Variants in PDE10A observed in about 807,000 individuals in gnomAD.
PDE10A encodes the protein cAMP and cAMP-inhibited cGMP 3',5'-cyclic phosphodiesterase 10A.
In PDE10A, 39 loss-of-function variants were observed where a neutral mutation model predicts 97.7. The observed-to-expected ratio is 0.40, with a 90% CI of 0.31 to 0.52. The LOEUF is 0.52. Ranked by LOEUF, PDE10A falls within the 20% of genes least tolerant of loss-of-function variation. PDE10A has a pLI of 0.56. For missense variants in PDE10A, 731 were observed against 1,047.8 expected (o/e 0.70, Z 4.17); for synonymous variants, 371 against 376.8 (o/e 0.98, Z 0.18).
chr6:165,642,166 C>G (rs1008902926), intron 1 of PDE10A, among the ~76,000 whole-genome samples: 1 of 152,214 alleles, frequency 6.6e-6, no homozygotes, highest in Non-Finnish European at 1.5e-5. Flanking sequence ...TGCCCCTCCG[C>G]CAGAAACACC....
chr6:165,872,090 A>G (rs1399082595), intron 1 of PDE10A, among the ~76,000 whole-genome samples: 1 of 152,134 alleles, frequency 6.6e-6, no homozygotes, highest in African/African-American at 2.4e-5. Context: ...CAAGGTCTCA[A>G]TTGAGGGTGG....
At chr6:165,861,441 G>A (rs1161344557) in intron 1 of PDE10A, among the ~76,000 whole-genome samples, 2 of 151,940 alleles carry the variant, frequency 1.3e-5, no homozygotes, top group Non-Finnish European at 2.9e-5. Context: ...GGAGGGGTGT[G>A]CTGTCAGGTG....
intron 2 of PDE10A, among the ~76,000 whole-genome samples, chr6:165,499,020 G>A (rs1217241478): frequency 6.6e-6 from 1 of 152,084 alleles, no homozygotes; most frequent in Non-Finnish European, 1.5e-5. Context: ...TCTCTTCTTG[G>A]ATTCTGTGAA....
At chr6:165,501,986 C>T (rs1321566428) in intron 2 of PDE10A, among the ~76,000 whole-genome samples, 2 of 152,108 alleles carry the variant, frequency 1.3e-5, no homozygotes, top group Non-Finnish European at 2.9e-5. Context: ...TAGAAATAGA[C>T]ATATGCATAT....
chr6:165,584,762 C>T (rs1785812111), intron 1 of PDE10A, among the ~76,000 whole-genome samples: 1 of 152,128 alleles, frequency 6.6e-6, no homozygotes, highest in Non-Finnish European at 1.5e-5. Flanking sequence ...AATGGAAAAC[C>T]AACAACCCCT....
chr6:165,374,193 C>T (rs996107132), intron 18 of PDE10A, among the ~76,000 whole-genome samples: 13 of 151,176 alleles, frequency 8.6e-5, no homozygotes, highest in African/African-American at 3.2e-4. Flanking sequence ...AACTAACCTG[C>T]ACATTGTGCA....
intron 1 of PDE10A, among the ~76,000 whole-genome samples, chr6:165,816,952 C>T (rs1325385167): frequency 6.6e-6 from 1 of 152,144 alleles, no homozygotes; most frequent in Non-Finnish European, 1.5e-5. Context: ...CTGGGAGAAG[C>T]AATGGGGCCA....
At chr6:165,600,397 C>G (rs1786873590) in intron 1 of PDE10A, among the ~76,000 whole-genome samples, 1 of 152,208 alleles carries the variant, frequency 6.6e-6, no homozygotes, top group Admixed American at 6.5e-5. Context: ...CCAACTGAAC[C>G]CAATGAGAAA....
intron 1 of PDE10A, among the ~76,000 whole-genome samples, chr6:165,584,864 C>T (rs1345222666): frequency 6.6e-6 from 1 of 152,150 alleles, no homozygotes; most frequent in African/African-American, 2.4e-5. Context: ...GGCTGTGGTG[C>T]TCCCAGAGGG....
intron 1 of PDE10A, among the ~76,000 whole-genome samples, chr6:165,563,569 T>C (rs1784630009): frequency 6.6e-6 from 1 of 152,092 alleles, no homozygotes; most frequent in Non-Finnish European, 1.5e-5. Context: ...ACATAATATA[T>C]GCAAAAGACA....
intron 1 of PDE10A, among the ~76,000 whole-genome samples, chr6:165,698,309 C>T (rs1791488260): frequency 1.3e-5 from 2 of 152,116 alleles, no homozygotes; most frequent in South Asian, 4.1e-4. Flanking sequence ...TATGGTAAGC[C>T]TTACATTCTA....
intron 1 of PDE10A, among the ~76,000 whole-genome samples, chr6:165,972,456 A>G (rs1784711180): frequency 6.6e-6 from 1 of 152,138 alleles, no homozygotes. Flanking sequence ...TCTGTCACGA[A>G]AAAAAATTAT....
chr6:165,956,129 T>G (rs1477494410), intron 1 of PDE10A, among the ~76,000 whole-genome samples: 1 of 152,254 alleles, frequency 6.6e-6, no homozygotes, highest in Middle Eastern at 3.2e-3. Context: ...GTGCATTGTA[T>G]GAATTAGTAA....
At chr6:165,371,376 T>TA (rs1784238625) in intron 18 of PDE10A, among the ~76,000 whole-genome samples, 3 of 151,884 alleles carry the variant, frequency 2.0e-5, no homozygotes, top group Admixed American at 6.6e-5. Context: ...ATAGACGCAA[T>TA]AAAAAATGAT....
In PDE10A at chr6:165,339,330, T is replaced by C; in HGVS notation, c.2924A>G (p.Gln975Arg). Reference protein sequence around the residue: ...EGDEMKKLGIQPIPMMDRDKK... With the variant: ...EGDEMKKLGIRPIPMMDRDKK... ...GTCTCTGTCCATCATAGGAATAGGC[T>C]GTATTCCCAATTTCTTCATTTCATC... Residue 975 changes from glutamine (Q) to arginine (R), a missense_variant, in exon 20 of 22, where the codon CAG (glutamine) becomes CGG (arginine). Physicochemically the swap from Gln to Arg is conservative, Grantham distance 43 (BLOSUM62 1). Coordinates refer to ENST00000539869, the MANE Select transcript of PDE10A (RefSeq NM_001385079.1). 6.2e-7 allele frequency: 1 copy of C among 1,604,866 alleles called. No homozygotes were observed. Among genetic ancestry groups the C allele is most frequent in the Non-Finnish European group, 8.5e-7 (1 of 1,171,958 alleles).
chr6:165,545,087 G>A (rs1783672242), intron 1 of PDE10A: 2 of 455,656 alleles, frequency 4.4e-6, no homozygotes, highest in East Asian at 6.6e-5. Context: ...GACAGATAAT[G>A]CAAATTTCAT....
chr6:165,410,691 A>C (rs890250806), intron 13 of PDE10A, among the ~76,000 whole-genome samples: 5 of 152,126 alleles, frequency 3.3e-5, no homozygotes, highest in Admixed American at 6.5e-5. Context: ...GACGAAGCAC[A>C]TGCCTGCTAA....
intron 1 of PDE10A, among the ~76,000 whole-genome samples, chr6:165,620,983 T>C (rs1314288437): frequency 6.8e-6 from 1 of 147,018 alleles, no homozygotes; most frequent in Non-Finnish European, 1.5e-5. Context: ...ATCCTGCCAC[T>C]GCACTCCAGC....
chr6:165,455,418 T>G (rs1348451761), intron 3 of PDE10A, among the ~76,000 whole-genome samples: 3 of 152,018 alleles, frequency 2.0e-5, no homozygotes, highest in African/African-American at 7.2e-5. Flanking sequence ...GATCCCCACG[T>G]AGGAAGGGAC....
Sources: gnomAD v4.1 joint callset for allele counts (sites outside exome capture counted in the v4.1 genomes callset) on GRCh38, gnomAD v4.1.1 for gene constraint, MANE v1.5 for transcripts, NCBI Gene and HGNC (gene_info 2026-07-23, HGNC 2026-07-21) for gene names.